Variants in GPCPD1 observed in about 807,000 individuals in gnomAD.
GPCPD1 encodes the protein glycerophosphocholine phosphodiesterase 1, also known as glycerophosphocholine phosphodiesterase GPCPD1.
GPCPD1 carries 29 observed loss-of-function variants against 89.2 expected under a neutral mutation model. That is an observed-to-expected ratio of 0.33 (90% CI 0.24 to 0.44). The LOEUF is 0.44. Among genes scored for constraint, GPCPD1 ranks in the 20% least tolerant of loss-of-function variants. The pLI is 1.00. For missense variants in GPCPD1, 594 were observed against 808.9 expected, an observed-to-expected ratio of 0.73 and a Z score of 3.22; for synonymous variants, 258 against 266.3, an observed-to-expected ratio of 0.97 and a Z score of 0.30.
chr20:5,586,975 G>A lies in GPCPD1; in HGVS notation c.232-706C>T, dbSNP rs1452894253. Reference sequence around the variant, plus strand: ...ATGCCTTAGTTTAAAATCTCATACAGTGTGACAATTCCTCATACTGTTTTC... The same window carrying A: ...ATGCCTTAGTTTAAAATCTCATACAATGTGACAATTCCTCATACTGTTTTC... On this transcript the variant is annotated intron_variant, in intron 4 of 19. Coordinates refer to ENST00000379019, the MANE Select transcript of GPCPD1 (RefSeq NM_019593.5). Among the ~76,000 whole-genome samples the A allele has an allele frequency of 3.9e-5, 6 of 152,116 alleles. 1 individual carries two copies. The highest frequency in any genetic ancestry group is 1.4e-4 in the African/African-American group (6 of 41,424).
At chr20:5,586,406 C>T (rs1194359522) in intron 4 of GPCPD1, 137 bp from the exon 5 acceptor site, 1 of 572,926 alleles carries the variant, frequency 1.7e-6, no homozygotes, top group Non-Finnish European at 3.2e-6. Context: ...ATATTATATG[C>T]CAAAAGCCTG....
chr20:5,563,964 A>G (rs762004540), intron 15 of GPCPD1, among the ~76,000 whole-genome samples: 28 of 152,170 alleles, frequency 1.8e-4, no homozygotes, highest in Non-Finnish European at 3.1e-4. Flanking sequence ...CACTCCCCAA[A>G]TAAGAATTTC....
In GPCPD1 at chr20:5,575,494, G is replaced by T. The variant is rs780883529; in HGVS notation, c.920C>A (p.Ser307Tyr). Residue 307 changes from serine to tyrosine, a missense_variant, in exon 10 of 20, where the codon TCT (serine) becomes TAT (tyrosine). Ser to Tyr is a moderately radical substitution (Grantham distance 144, BLOSUM62 -2). Coordinates refer to ENST00000379019, the MANE Select transcript of GPCPD1 (RefSeq NM_019593.5). ...PLPGYSCDMK[S>Y]SFSKYWKPRI... is the part of the protein sequence containing the mutation. ...TGGCTTCCAATACTTGGAAAATGAA[G>T]ATTTCATGTCACAACTGTATCCTGG... The T allele has an allele frequency of 2.5e-6, 4 of 1,594,618 alleles. No homozygotes were observed. The Admixed American group carries it at 5.0e-5, about 20-fold the overall frequency.
chr20:5,549,485 G>A, intron 19 of GPCPD1: 1 of 1,188,684 alleles, frequency 8.4e-7, no homozygotes, highest in Non-Finnish European at 1.2e-6. Flanking sequence ...TGTTTAAGAA[G>A]ACACCTTCTG....
Position 5,546,237 on chromosome 20 carries a change from T to C in GPCPD1, c.*1424A>G, listed in dbSNP as rs905388827. On this transcript the variant is annotated 3_prime_UTR_variant, in exon 20 of 20. Transcript: ENST00000379019. Reference sequence around the variant, plus strand: ...TCACACAAATAAGATCTGACCAAAATTGCATTGCTTAGCTTAAAAAATACT... The same window carrying C: ...TCACACAAATAAGATCTGACCAAAACTGCATTGCTTAGCTTAAAAAATACT... 2.0e-5 allele frequency: 3 copies of C among 152,184 alleles called. No homozygotes were observed. The highest frequency in any genetic ancestry group is 4.8e-5 in the African/African-American group (2 of 41,426). 9.4% of individuals were successfully genotyped at this position (152,184 alleles called of 1,614,324 possible).
At chr20:5,594,249 GGGGGT>G (rs773142083) in intron 3 of GPCPD1, among the ~76,000 whole-genome samples, 1 of 152,106 alleles carries the variant, frequency 6.6e-6, no homozygotes, top group Non-Finnish European at 1.5e-5. Context: ...TAGGAACTCT[GGGGGT>G]GGGGGCCCAG....
intron 17 of GPCPD1, among the ~76,000 whole-genome samples, chr20:5,559,585 A>T (rs201817937): frequency 7.2e-5 from 11 of 151,986 alleles, no homozygotes; most frequent in African/African-American, 2.2e-4. Context: ...CTCAAAAACA[A>T]TTTTTTTTAA....
Position 5,559,196 on chromosome 20 carries a change from G to T in GPCPD1, c.1533-377C>A, listed in dbSNP as rs547444861. On this transcript the variant is annotated intron_variant, in intron 17 of 19. Transcript: ENST00000379019. ...AGCCTGGGCAACAGAACAAGACTCTGTCTCAAATAAATAAATAGATTTAAA... is the reference window on the plus strand; with the variant it reads ...AGCCTGGGCAACAGAACAAGACTCTTTCTCAAATAAATAAATAGATTTAAA... Among the ~76,000 whole-genome samples, 186 of 152,022 alleles carry T rather than the reference G, an allele frequency of 1.2e-3. 1 individual carries two copies. The highest frequency in any genetic ancestry group is 4.3e-3 in the African/African-American group (177 of 41,468).
At position 5,545,405 on chromosome 20, in the gene GPCPD1, G is replaced by A. The variant is rs1984983435; in HGVS notation, c.*2256C>T. On this transcript the variant is annotated 3_prime_UTR_variant, in exon 20 of 20. Coordinates refer to ENST00000379019, the MANE Select transcript of GPCPD1 (RefSeq NM_019593.5). Reference sequence around the variant, plus strand: ...TAGAACAGAATTACTGTGATGCACAGCCTGATCAAGGTACGAGCCGTGGAG... The same window carrying A: ...TAGAACAGAATTACTGTGATGCACAACCTGATCAAGGTACGAGCCGTGGAG... 6.6e-6 allele frequency: 1 copy of A among 152,172 alleles called. No homozygotes were observed. The highest frequency in any genetic ancestry group is 6.5e-5 in the Admixed American group (1 of 15,274). 9.4% of individuals were successfully genotyped at this position (152,172 alleles called of 1,614,324 possible).
In GPCPD1 at chr20:5,545,107, T is replaced by C. The variant is rs765123709; in HGVS notation, c.*2554A>G. On this transcript the variant is annotated 3_prime_UTR_variant, in exon 20 of 20. Transcript: ENST00000379019. ...TTGATTTCCATAAAGTATAAAATAA[T>C]TTAACATTATACCTCTACATTTCAA... The C allele has an allele frequency of 7.2e-5, 11 of 152,194 alleles. No individual in the cohort carries two copies. The highest frequency in any genetic ancestry group is 1.3e-4 in the Admixed American group (2 of 15,278). The allele number at this position is 152,194 out of a possible 1,614,324, so 9.4% of individuals were successfully genotyped here.
chr20:5,585,626 G>A (rs988395013), intron 5 of GPCPD1: 118 of 101,064 alleles, frequency 1.2e-3, no homozygotes, highest in East Asian at 1.7e-3. Flanking sequence ...AAAAAAAAAA[G>A]ACAAAAAAAA....
Position 5,547,451 on chromosome 20 carries a change from C to T in GPCPD1, c.*210G>A, listed in dbSNP as rs1341430583. The T allele has an allele frequency of 1.5e-5, 5 of 330,902 alleles. No individual in the cohort carries two copies. Among genetic ancestry groups the T allele is most frequent in the Non-Finnish European group, 2.7e-5 (5 of 184,576 alleles). 20.5% of individuals were successfully genotyped at this position (330,902 alleles called of 1,614,324 possible). A position where few individuals can be genotyped will look rare whatever the true frequency, so the allele number is the denominator to read the frequency against. On this transcript the variant is annotated 3_prime_UTR_variant, in exon 20 of 20. Coordinates refer to ENST00000379019, the MANE Select transcript of GPCPD1 (RefSeq NM_019593.5). ...TTTATATTACTAACCAATAAATTTT[C>T]TCACTATAAAGAGACTGACTGGCAA...
At chr20:5,581,438 T>C (rs73896228) in intron 6 of GPCPD1, among the ~76,000 whole-genome samples, 2,238 of 152,292 alleles carry the variant, frequency 0.015, 54 homozygotes, top group African/African-American at 0.051. Context: ...AACCTAGCAA[T>C]TGTTCTACTA....
intron 4 of GPCPD1, among the ~76,000 whole-genome samples, chr20:5,589,657 T>C (rs1600781211): frequency 6.6e-6 from 1 of 152,222 alleles, no homozygotes; most frequent in African/African-American, 2.4e-5. Context: ...ATCTCAGTGA[T>C]AACCCCAAAA....
intron 15 of GPCPD1, among the ~76,000 whole-genome samples, chr20:5,563,082 A>G (rs1458109807): frequency 6.6e-6 from 1 of 151,210 alleles, no homozygotes; most frequent in Non-Finnish European, 1.5e-5. Context: ...TCCTGAGTTC[A>G]CGCCATTCTG....
In GPCPD1 at chr20:5,548,596, A is replaced by C. The variant is rs188859664; in HGVS notation, c.1830-746T>G. Among the ~76,000 whole-genome samples, 832 of 152,368 alleles carry C rather than the reference A, an allele frequency of 5.5e-3. 5 individuals are homozygous for C. Among genetic ancestry groups the C allele is most frequent in the Middle Eastern group, 0.014 (4 of 294 alleles). On this transcript the variant is annotated intron_variant, in intron 19 of 19. Transcript: ENST00000379019. ...GGTCAAGGTATCAAGACAGAACAGA[A>C]GCATCTAACTTCGTTCTCTCCCTAT...
At chr20:5,570,294 A>G in intron 11 of GPCPD1, 55 bp from the exon 12 acceptor site, 1 of 838,732 alleles carries the variant, frequency 1.2e-6, no homozygotes, top group Non-Finnish European at 2.0e-6. Flanking sequence ...AGTACCTCTC[A>G]AACTGCAAGA....
chr20:5,602,258 C>A (rs536259873), intron 2 of GPCPD1, among the ~76,000 whole-genome samples: 2 of 152,318 alleles, frequency 1.3e-5, no homozygotes, highest in African/African-American at 4.8e-5. Flanking sequence ...AATCCCTGAC[C>A]CCAATCAAGC....
At chr20:5,602,674 A>C (rs924183603) in intron 2 of GPCPD1, among the ~76,000 whole-genome samples, 3 of 152,228 alleles carry the variant, frequency 2.0e-5, no homozygotes, top group African/African-American at 7.2e-5. Flanking sequence ...AATTCAGCAT[A>C]AACAAGACAA....
Sources: allele counts gnomAD v4.1 joint callset (sites outside exome capture counted in the v4.1 genomes callset), GRCh38; gene constraint gnomAD v4.1.1; transcripts MANE v1.5; gene names NCBI Gene and HGNC (gene_info 2026-07-23, HGNC 2026-07-21).